FAM184A: variants seen among roughly 807,000 people sequenced by gnomAD.
The protein encoded by FAM184A is family with sequence similarity 184 member A, also known as protein FAM184A.
Under a neutral mutation model 143.8 loss-of-function variants are expected in FAM184A, and 99 were observed. The ratio of observed to expected loss-of-function variants is 0.69; its 90% CI spans 0.58 to 0.81. The LOEUF is 0.81. FAM184A is among the 40% of genes least tolerant of loss of function. The probability of loss-of-function intolerance (pLI) is 0.00; values close to 1 mark genes in which losing one functional copy is unlikely to be tolerated. For missense variants in FAM184A, 1,217 were observed against 1,310.5 expected (o/e 0.93, Z 1.10); for synonymous variants, 427 against 446.4 (o/e 0.96, Z 0.55).
At chr6:119,032,664 G>A (rs1299151998) in intron 1 of FAM184A, among the ~76,000 whole-genome samples, 3 of 151,566 alleles carry the variant, frequency 2.0e-5, no homozygotes, top group Non-Finnish European at 2.9e-5. Context: ...GGAGGGAGCA[G>A]GGAGGTGGAA....
chr6:119,084,530 G>A (rs1054362263), intron 1 of FAM184A, among the ~76,000 whole-genome samples: 10 of 152,208 alleles, frequency 6.6e-5, no homozygotes, highest in Admixed American at 2.6e-4. Context: ...TTGCTCTCAT[G>A]GGCTGGCATC....
At chr6:119,001,317 T>C (rs1784750270) in intron 9 of FAM184A, among the ~76,000 whole-genome samples, 1 of 151,658 alleles carries the variant, frequency 6.6e-6, no homozygotes, top group South Asian at 2.1e-4. Context: ...AAAAGGAAGA[T>C]ATTATAATCT....
At chr6:119,008,048 A>G (rs1231499030) in intron 6 of FAM184A, among the ~76,000 whole-genome samples, 1 of 152,254 alleles carries the variant, frequency 6.6e-6, no homozygotes, top group African/African-American at 2.4e-5. Flanking sequence ...CAAAAACTTC[A>G]AACTTCTGCA....
intron 1 of FAM184A, among the ~76,000 whole-genome samples, chr6:119,046,869 A>G (rs1786554760): frequency 6.6e-6 from 1 of 152,208 alleles, no homozygotes; most frequent in Non-Finnish European, 1.5e-5. Context: ...ACCAAAGCAA[A>G]AATGAACAAA....
intron 1 of FAM184A, among the ~76,000 whole-genome samples, chr6:119,138,634 T>C (rs1483099756): frequency 9.2e-6 from 1 of 108,524 alleles, no homozygotes; most frequent in Non-Finnish European, 2.1e-5. Flanking sequence ...TTATTATTAT[T>C]ATTATTTTTG....
chr6:119,028,817 A>G (rs908798697), intron 1 of FAM184A, among the ~76,000 whole-genome samples: 5 of 152,132 alleles, frequency 3.3e-5, no homozygotes, highest in Non-Finnish European at 7.4e-5. Context: ...CATCTGAATG[A>G]GGGCAGTCTT....
intron 1 of FAM184A, among the ~76,000 whole-genome samples, chr6:119,041,882 C>A (rs1279057403): frequency 1.3e-5 from 2 of 152,146 alleles, no homozygotes; most frequent in African/African-American, 4.8e-5. Context: ...TGACCCACGG[C>A]TTCTAATAGA....
chr6:119,119,718 C>A (rs1221763448), intron 1 of FAM184A, among the ~76,000 whole-genome samples: 1 of 152,030 alleles, frequency 6.6e-6, no homozygotes, highest in East Asian at 1.9e-4. Context: ...TGCCTGTAAA[C>A]CCAGCACTTT....
In FAM184A at chr6:119,045,073, C is replaced by A. The variant is rs562532959; in HGVS notation, c.160-20260G>T. Among the ~76,000 whole-genome samples the A allele has an allele frequency of 2.6e-5, 4 of 152,302 alleles. No homozygotes were observed. The South Asian group carries it at 8.3e-4, about 32-fold the overall frequency. The stretch of plus-strand genomic sequence containing the variant: ...AAAGCATTTCTTATGGGTTCTCCAA[C>A]CTTTTGCCCCTTCATCCATTCAAGG... On this transcript the variant is annotated intron_variant, in intron 1 of 17. Coordinates refer to ENST00000338891, the MANE Select transcript of FAM184A (RefSeq NM_024581.6).
Position 119,078,160 on chromosome 6 carries a change from T to G in FAM184A, c.140A>C (p.Lys47Thr). Reference protein sequence around the residue: ...SQEMHLKMSKKIAQLTKVIYA... With the variant: ...SQEMHLKMSKTIAQLTKVIYA... ...CCTTACCTTGGTGAGCTGGGCGATTTTCTTGCTCATTTTCAGGTGCATCTC... is the reference window on the plus strand; with the variant it reads ...CCTTACCTTGGTGAGCTGGGCGATTGTCTTGCTCATTTTCAGGTGCATCTC... The change falls in exon 1 of 18, where the codon AAA becomes ACA. Residue 47 changes from lysine to threonine, a missense_variant. By Grantham distance (78) the Lys-to-Thr change is moderately conservative (BLOSUM62 -1). Transcript: ENST00000338891. This position sits in a 1 kb window ranked among gnomAD's most constrained non-coding sequence, Gnocchi z 5.5. 6.3e-7 allele frequency: 1 copy of G among 1,593,006 alleles called. No individual in the cohort carries two copies. Among genetic ancestry groups the G allele is most frequent in the Non-Finnish European group, 8.5e-7 (1 of 1,171,414 alleles).
At chr6:119,085,880 G>C (rs946512505) in intron 1 of FAM184A, among the ~76,000 whole-genome samples, 2 of 152,132 alleles carry the variant, frequency 1.3e-5, no homozygotes, top group Admixed American at 6.6e-5. Flanking sequence ...AAGAGAGAGT[G>C]GGGGGAGGTG....
intron 1 of FAM184A, among the ~76,000 whole-genome samples, chr6:119,060,337 T>C (rs639266): frequency 0.86 from 130,218 of 152,148 alleles, 55,880 homozygotes; most frequent in East Asian, 0.96. Context: ...CAATAATATC[T>C]TTTTGCCAGT....
At chr6:119,132,786 C>G (rs1381462476) in intron 1 of FAM184A, among the ~76,000 whole-genome samples, 6 of 152,242 alleles carry the variant, frequency 3.9e-5, no homozygotes, top group African/African-American at 1.4e-4. Flanking sequence ...GAGGTGAAAT[C>G]TACTTATTAG....
At chr6:119,081,879 C>T (rs926171079), upstream of FAM184A, among the ~76,000 whole-genome samples, 2 of 152,216 alleles carry the variant, frequency 1.3e-5, no homozygotes, top group African/African-American at 4.8e-5. Context: ...TCTTGGCATC[C>T]AGCCACCTGT....
At chr6:119,068,407 G>C (rs1420605568) in intron 1 of FAM184A, among the ~76,000 whole-genome samples, 1 of 151,958 alleles carries the variant, frequency 6.6e-6, no homozygotes, top group African/African-American at 2.4e-5. Context: ...AGTGGGGAGG[G>C]GATAGTGGGT....
intron 1 of FAM184A, among the ~76,000 whole-genome samples, chr6:119,097,800 C>T (rs1365389286): frequency 1.3e-5 from 2 of 152,154 alleles, no homozygotes; most frequent in Non-Finnish European, 2.9e-5. Flanking sequence ...TTCCTTTCAC[C>T]TGCTCCTTTT....
At chr6:119,116,215 C>T (rs1021281700) in intron 1 of FAM184A, among the ~76,000 whole-genome samples, 1 of 152,114 alleles carries the variant, frequency 6.6e-6, no homozygotes, top group African/African-American at 2.4e-5. Flanking sequence ...GGCTTGAAAA[C>T]TTCCAGTAGT....
intron 1 of FAM184A, among the ~76,000 whole-genome samples, chr6:119,092,640 T>C (rs1322289008): frequency 6.6e-6 from 1 of 152,140 alleles, no homozygotes; most frequent in Non-Finnish European, 1.5e-5. Flanking sequence ...TTGAAAGGTC[T>C]GAATAAATAG....
At chr6:118,989,414 A>G (rs574732015) in intron 9 of FAM184A, among the ~76,000 whole-genome samples, 1 of 130,640 alleles carries the variant, frequency 7.7e-6, no homozygotes, top group East Asian at 1.9e-4. Flanking sequence ...ATATTGCTAT[A>G]TTTTTATATT....
Sources: allele counts gnomAD v4.1 joint callset (sites outside exome capture counted in the v4.1 genomes callset), GRCh38; gene constraint gnomAD v4.1.1; non-coding constraint Gnocchi (gnomAD v3.1); transcripts MANE v1.5; gene names NCBI Gene and HGNC (gene_info 2026-07-23, HGNC 2026-07-21).